MYT1L: variants seen among roughly 807,000 people sequenced by gnomAD.
MYT1L encodes the protein myelin transcription factor 1-like protein.
A neutral mutation model predicts 126.7 loss-of-function variants in MYT1L; 12 were observed. The observed-to-expected ratio is 0.09, with a 90% CI of 0.06 to 0.15. The LOEUF is 0.15. Ranked by LOEUF, MYT1L falls within the 10% of genes least tolerant of loss-of-function variation. MYT1L has a pLI of 1.00. For synonymous variants in MYT1L, 541 were observed against 604.2 expected (o/e 0.90, Z 1.53); for missense variants, 979 against 1,585.2 (o/e 0.62, Z 6.49).
intron 9 of MYT1L, among the ~76,000 whole-genome samples, 178 bp from the exon 10 acceptor site, chr2:1,923,441 T>C (rs2149112682): frequency 6.6e-6 from 1 of 152,324 alleles, no homozygotes; most frequent in East Asian, 1.9e-4. Flanking sequence ...AGAAAACGGA[T>C]GTTGCTAAAA....
chr2:2,065,479 C>G (rs2071110045), intron 3 of MYT1L, among the ~76,000 whole-genome samples: 1 of 152,102 alleles, frequency 6.6e-6, no homozygotes, highest in South Asian at 2.1e-4. Flanking sequence ...TTAAATTGAT[C>G]AGCTGCCTCA....
chr2:1,839,166 G>A lies in MYT1L; in HGVS notation c.3063C>T (p.Ser1021=). The change falls in exon 21 of 25, where the codon AGC becomes AGT. Residue 1021 remains serine, a synonymous_variant. Transcript: ENST00000647738. ...CCACTCACCTGCGGTGTGTGAGGAA[G>A]CTGCCGCTGACGTGGCCTGAGCCGT... ...GCDGSGHVSG[S]FLTHRSLSGC... is the part of the protein sequence containing the mutation. 2 of 1,612,256 alleles carry A rather than the reference G, an allele frequency of 1.2e-6. No homozygotes were observed. The highest frequency in any genetic ancestry group is 2.2e-5 in the East Asian group (1 of 44,860).
At chr2:2,304,578 T>A (rs1265984378) in intron 1 of MYT1L, among the ~76,000 whole-genome samples, 1 of 152,218 alleles carries the variant, frequency 6.6e-6, no homozygotes, top group African/African-American at 2.4e-5. Flanking sequence ...TTAGCTTGCT[T>A]GTGGTGAAGT....
At chr2:2,152,007 G>A (rs552333293) in intron 3 of MYT1L, among the ~76,000 whole-genome samples, 8 of 152,222 alleles carry the variant, frequency 5.3e-5, no homozygotes, top group Non-Finnish European at 1.2e-4. Flanking sequence ...AGTGAGCCGA[G>A]ATCGCGCCAC....
chr2:1,986,836 C>T (rs767203526), intron 5 of MYT1L, among the ~76,000 whole-genome samples: 6 of 152,114 alleles, frequency 3.9e-5, no homozygotes, highest in Non-Finnish European at 7.4e-5. Context: ...AGCTGACACC[C>T]GATGAGCTGG....
intron 21 of MYT1L, chr2:1,816,467 C>T (rs1459560628): frequency 2.6e-5 from 4 of 152,672 alleles, no homozygotes; most frequent in South Asian, 2.1e-4. Context: ...TCAAGCCCCC[C>T]CACGCCACTC....
intron 3 of MYT1L, among the ~76,000 whole-genome samples, chr2:2,122,866 T>TGAGA (rs1194117267): frequency 3.1e-4 from 45 of 146,400 alleles, no homozygotes; most frequent in African/African-American, 1.2e-3. Context: ...TGTGTGTGTG[T>TGAGA]GTGTGTGAGA....
intron 21 of MYT1L, among the ~76,000 whole-genome samples, chr2:1,823,223 C>G (rs1020323651): frequency 6.6e-6 from 1 of 152,160 alleles, no homozygotes; most frequent in African/African-American, 2.4e-5. Context: ...CCAGCAGGGG[C>G]ACCCAGCTGG....
At chr2:2,263,016 TA>T in intron 2 of MYT1L, among the ~76,000 whole-genome samples, 1 of 140,712 alleles carries the variant, frequency 7.1e-6, no homozygotes, top group East Asian at 2.3e-4. Context: ...AGTGAACATA[TA>T]AAATATTTTT....
chr2:2,279,864 A>G (rs1290692215), intron 2 of MYT1L, among the ~76,000 whole-genome samples: 1 of 152,242 alleles, frequency 6.6e-6, no homozygotes, highest in Non-Finnish European at 1.5e-5. Context: ...TAGGAAAGGT[A>G]GGAAGCTGTT....
intron 14 of MYT1L, among the ~76,000 whole-genome samples, chr2:1,901,326 T>C (rs1256657875): frequency 6.6e-6 from 1 of 152,200 alleles, no homozygotes; most frequent in Non-Finnish European, 1.5e-5. Context: ...CAAATCCCGG[T>C]AGAACGTCAA....
At chr2:1,881,354 TC>T (rs1347283579) in intron 18 of MYT1L, among the ~76,000 whole-genome samples, 105 of 111,548 alleles carry the variant, frequency 9.4e-4, no homozygotes, top group African/African-American at 3.6e-3. Flanking sequence ...GTTTGCAGGT[TC>T]GTGTGTGTGT....
At chr2:2,217,688 C>CAAAAAAAAAAAAAAAAA (rs1192733884) in intron 2 of MYT1L, among the ~76,000 whole-genome samples, 1 of 70,880 alleles carries the variant, frequency 1.4e-5, no homozygotes, top group African/African-American at 7.9e-5. Flanking sequence ...ACAACAACAA[C>CAAAAAAAAAAAAAAAAA]AACAACAACA....
intron 18 of MYT1L, among the ~76,000 whole-genome samples, chr2:1,875,509 A>C (rs1433482707): frequency 1.3e-5 from 2 of 152,222 alleles, no homozygotes; most frequent in East Asian, 3.9e-4. Flanking sequence ...AATACTTCGC[A>C]CATCTCTGAA....
At chr2:1,799,308 C>T (rs892849443) in intron 23 of MYT1L, among the ~76,000 whole-genome samples, 3 of 152,196 alleles carry the variant, frequency 2.0e-5, no homozygotes, top group African/African-American at 7.2e-5. Flanking sequence ...AGGCCACGCC[C>T]GTGCAGGTGC....
chr2:1,972,716 CA>C (rs2059901141), intron 8 of MYT1L, among the ~76,000 whole-genome samples: 1 of 152,220 alleles, frequency 6.6e-6, no homozygotes, highest in African/African-American at 2.4e-5. Flanking sequence ...GGCAATTATT[CA>C]CCACGCTGTG....
At chr2:1,907,242 T>C (rs1413661162) in intron 13 of MYT1L, among the ~76,000 whole-genome samples, 4 of 152,022 alleles carry the variant, frequency 2.6e-5, no homozygotes, top group African/African-American at 4.8e-5. Context: ...TCAGTTATGT[T>C]TGAATGGAGA....
intron 4 of MYT1L, among the ~76,000 whole-genome samples, chr2:2,022,793 G>A (rs2065166347): frequency 1.3e-5 from 2 of 152,064 alleles, no homozygotes; most frequent in South Asian, 4.1e-4. Flanking sequence ...TGATTCAACA[G>A]CCTGCAAATT....
intron 2 of MYT1L, among the ~76,000 whole-genome samples, chr2:2,181,346 GCT>G (rs2091500939): frequency 6.6e-6 from 1 of 152,074 alleles, no homozygotes; most frequent in Non-Finnish European, 1.5e-5. Context: ...AGTCTACCTG[GCT>G]CTCTGTTGTC....
Sources: gnomAD v4.1 joint callset for allele counts (sites outside exome capture counted in the v4.1 genomes callset) on GRCh38, gnomAD v4.1.1 for gene constraint, MANE v1.5 for transcripts, NCBI Gene and HGNC (gene_info 2026-07-23, HGNC 2026-07-21) for gene names.